HPSE2: variants seen among roughly 807,000 people sequenced by gnomAD.
HPSE2 encodes heparanase 2 (inactive), also known as inactive heparanase-2.
A neutral mutation model predicts 60.5 loss-of-function variants in HPSE2; 38 were observed. The observed-to-expected ratio is 0.63, with a 90% confidence interval of 0.48 to 0.82. HPSE2 has a LOEUF of 0.82. Ranked by LOEUF, HPSE2 falls within the 40% of genes least tolerant of loss-of-function variation. The probability of loss-of-function intolerance (pLI) is 0.00; values close to 1 mark genes in which losing one functional copy is unlikely to be tolerated. For missense variants in HPSE2, 713 were observed against 740.4 expected (o/e 0.96, Z 0.43); for synonymous variants, 295 against 293.2 (o/e 1.01, Z -0.06).
intron 6 of HPSE2, among the ~76,000 whole-genome samples, chr10:98,689,232 G>A (rs1403306333): frequency 6.6e-6 from 1 of 151,946 alleles, no homozygotes; most frequent in African/African-American, 2.4e-5. Flanking sequence ...GCATATGTTA[G>A]GCTATTTGGT....
intron 3 of HPSE2, among the ~76,000 whole-genome samples, chr10:98,982,337 C>T (rs2135303478): frequency 6.6e-6 from 1 of 152,238 alleles, no homozygotes; most frequent in African/African-American, 2.4e-5. Context: ...TCAAAACATA[C>T]ACACACAACA....
At position 98,558,987 on chromosome 10, in the gene HPSE2, C is replaced by A. The variant is rs1311646286; in HGVS notation, c.1320+55917G>T. On this transcript the variant is annotated intron_variant, in intron 9 of 11. Coordinates refer to ENST00000370552, the MANE Select transcript of HPSE2 (RefSeq NM_021828.5). ...ATGTTCCCTGTCTAGCCTTTCTAGG[C>A]ATCTGAGTTTGTGTCCCTGGGAATC... Among the ~76,000 whole-genome samples, 2 of 152,110 alleles carry A rather than the reference C, an allele frequency of 1.3e-5. 1 individual carries two copies. The highest frequency in any genetic ancestry group is 2.9e-5 in the Non-Finnish European group (2 of 68,012).
chr10:98,883,580 G>T (rs900948583), intron 3 of HPSE2, among the ~76,000 whole-genome samples: 1 of 152,174 alleles, frequency 6.6e-6, no homozygotes, highest in East Asian at 1.9e-4. Flanking sequence ...TGAGGCAGGA[G>T]GATCACTTGA....
Position 98,782,926 on chromosome 10 carries a change from ATTT to A in HPSE2, c.611-38873_611-38871del, listed in dbSNP as rs773521357. On this transcript the variant is annotated intron_variant, in intron 3 of 11. Coordinates refer to ENST00000370552, the MANE Select transcript of HPSE2 (RefSeq NM_021828.5). ...CCTGTTTGTTTATTTTTTTTTTTTT[ATTT>A]TTTTTTTTAATGTTTTTTTTTTTAT... Among the ~76,000 whole-genome samples the A allele has an allele frequency of 2.2e-4, 27 of 124,524 alleles. 2 individuals are homozygous for A. Among genetic ancestry groups the A allele is most frequent in the African/African-American group, 8.0e-4 (26 of 32,358 alleles). The allele number at this position is 124,524 out of a possible 152,430, so 81.7% of individuals were successfully genotyped here.
At chr10:99,298,753 C>A in the HPSE2 span, among the ~76,000 whole-genome samples, 1 of 151,540 alleles carries the variant, frequency 6.6e-6, no homozygotes, top group Admixed American at 6.6e-5. Context: ...TGGCTCACTG[C>A]AACCTCTGCC....
chr10:98,511,438 C>A (rs1400679985), intron 9 of HPSE2, among the ~76,000 whole-genome samples: 2 of 152,026 alleles, frequency 1.3e-5, no homozygotes, highest in Admixed American at 1.3e-4. Flanking sequence ...GTGTGAGGCA[C>A]CGCGCCCAGC....
intron 9 of HPSE2, among the ~76,000 whole-genome samples, chr10:98,504,426 C>T (rs1167903849): frequency 6.6e-6 from 1 of 152,080 alleles, no homozygotes; most frequent in Non-Finnish European, 1.5e-5. Context: ...TTTCCATATA[C>T]AGCAGACTAT....
chr10:98,590,453 A>G (rs1945059615), intron 9 of HPSE2, among the ~76,000 whole-genome samples: 1 of 152,244 alleles, frequency 6.6e-6, no homozygotes, highest in Admixed American at 6.5e-5. Context: ...TAGGGGTCAT[A>G]TCATTCAAAC....
intron 6 of HPSE2, among the ~76,000 whole-genome samples, chr10:98,653,016 A>G (rs1486149989): frequency 6.6e-6 from 1 of 152,198 alleles, no homozygotes; most frequent in Non-Finnish European, 1.5e-5. Context: ...GGATTCTACC[A>G]GTTTTTGCCT....
chr10:98,502,187 G>T (rs185811337), intron 9 of HPSE2, among the ~76,000 whole-genome samples: 100 of 152,134 alleles, frequency 6.6e-4, no homozygotes, highest in African/African-American at 2.3e-3. Context: ...CACAGAATTT[G>T]AAAAAACAAT....
chr10:98,707,183 A>T (rs1401640210), intron 5 of HPSE2, among the ~76,000 whole-genome samples: 2 of 152,184 alleles, frequency 1.3e-5, no homozygotes, highest in Non-Finnish European at 2.9e-5. Flanking sequence ...GCAATAATGA[A>T]TGCTATTATC....
At chr10:98,550,180 C>T (rs1943816724) in intron 9 of HPSE2, among the ~76,000 whole-genome samples, 1 of 152,178 alleles carries the variant, frequency 6.6e-6, no homozygotes, top group Non-Finnish European at 1.5e-5. Flanking sequence ...CACCTTACAG[C>T]CTGTGTTACC....
chr10:99,027,221 G>A (rs1170398215), intron 3 of HPSE2, among the ~76,000 whole-genome samples: 1 of 150,754 alleles, frequency 6.6e-6, no homozygotes, highest in Admixed American at 6.6e-5. Flanking sequence ...CAAACCTTTA[G>A]TCAGACTGAC....
chr10:98,789,555 T>G (rs1168119673), intron 3 of HPSE2, among the ~76,000 whole-genome samples: 1 of 152,208 alleles, frequency 6.6e-6, no homozygotes, highest in African/African-American at 2.4e-5. Context: ...TGTCCTGAAA[T>G]AGACCCAAAT....
At chr10:98,922,000 G>A (rs1009069455) in intron 3 of HPSE2, among the ~76,000 whole-genome samples, 1 of 152,140 alleles carries the variant, frequency 6.6e-6, no homozygotes, top group African/African-American at 2.4e-5. Flanking sequence ...GAATTACAAT[G>A]TAAGTCACAA....
the HPSE2 span, among the ~76,000 whole-genome samples, chr10:99,261,676 C>T: frequency 6.6e-6 from 1 of 152,220 alleles, no homozygotes; most frequent in East Asian, 1.9e-4. Context: ...AGATTCCGGC[C>T]CTCAAACCCC....
intron 3 of HPSE2, among the ~76,000 whole-genome samples, chr10:99,108,725 G>C (rs562068188): frequency 2.0e-5 from 3 of 152,250 alleles, no homozygotes; most frequent in Admixed American, 6.5e-5. Context: ...GCATGAAGTG[G>C]TTTCTTAAAT....
intron 4 of HPSE2, among the ~76,000 whole-genome samples, chr10:98,724,076 T>C (rs930976429): frequency 3.9e-5 from 6 of 152,218 alleles, no homozygotes; most frequent in South Asian, 2.1e-4. Context: ...ATTTTAGATC[T>C]TTCCTGCTTT....
At chr10:98,570,415 A>G (rs1944461695) in intron 9 of HPSE2, among the ~76,000 whole-genome samples, 1 of 149,854 alleles carries the variant, frequency 6.7e-6, no homozygotes, top group Non-Finnish European at 1.5e-5. Flanking sequence ...CTGCTTCAGA[A>G]CTTTCCCTCT....
Sources: allele counts gnomAD v4.1 joint callset (sites outside exome capture counted in the v4.1 genomes callset), GRCh38; gene constraint gnomAD v4.1.1; transcripts MANE v1.5; gene names NCBI Gene and HGNC (gene_info 2026-07-23, HGNC 2026-07-21).